Variants in LAMB4 observed in about 807,000 individuals in gnomAD.
LAMB4 encodes the protein laminin subunit beta 4.
A neutral mutation model predicts 199.2 loss-of-function variants in LAMB4; 196 were observed. The ratio of observed to expected loss-of-function variants is 0.98; its 90% CI spans 0.88 to 1.11. The LOEUF (loss-of-function observed/expected upper bound fraction) is 1.11, where lower values mean the gene tolerates loss of function less well. LAMB4 is among the 50% of genes least tolerant of loss of function. The pLI, the probability that LAMB4 is intolerant of heterozygous loss-of-function variation, is 0.00. For synonymous variants in LAMB4, 744 were observed against 770.6 expected (o/e 0.97, Z 0.57); for missense variants, 2,080 against 2,171.2 (o/e 0.96, Z 0.83).
At chr7:108,016,700 G>C in the LAMB4 span, among the ~76,000 whole-genome samples, 2 of 152,176 alleles carry the variant, frequency 1.3e-5, no homozygotes, top group African/African-American at 4.8e-5. Flanking sequence ...AGCTGTGTTA[G>C]TAGTTTTCTG....
At chr7:108,104,098 A>G (rs410866) in intron 9 of LAMB4, among the ~76,000 whole-genome samples, 45,651 of 151,988 alleles carry the variant, frequency 0.3, 8,198 homozygotes, top group Non-Finnish European at 0.4. Context: ...TTCTCCTATT[A>G]TCCTACAGAT....
rs401455 is a variant in LAMB4, at chr7:108,070,982, C to T, written c.2125-1097G>A. On this transcript the variant is annotated intron_variant, in intron 17 of 33. Transcript: ENST00000388781. ...AGGCTCTCGAGTCTTACCACCCATC[C>T]GGAACATTTAGTGCTCAAGAAGGAA... Among the ~76,000 whole-genome samples, 678 of 152,240 alleles carry T rather than the reference C, an allele frequency of 4.5e-3. 7 individuals carry two copies. Among genetic ancestry groups the T allele is most frequent in the African/African-American group, 0.016 (652 of 41,540 alleles).
Position 108,049,502 on chromosome 7 carries a change from G to T in LAMB4, c.3946C>A (p.His1316Asn). 6.2e-7 allele frequency: 1 copy of T among 1,605,394 alleles called. No individual in the cohort carries two copies. Among genetic ancestry groups the T allele is most frequent in the South Asian group, 1.1e-5 (1 of 90,646 alleles). ...TTCTTTTCAGCAGATGATGATATGT[G>T]ATAATATTTCTTGATGTTTTCTGAG... ...DSSENIKKYY[H>N]ISSSAEKKIN... Residue 1316 changes from histidine to asparagine, a missense_variant, in exon 27 of 34, where the codon CAC becomes AAC. His to Asn is a moderately conservative substitution (Grantham distance 68). Coordinates refer to ENST00000388781, the MANE Select transcript of LAMB4 (RefSeq NM_007356.3).
At chr7:108,089,827 T>G (rs2037329630) in intron 14 of LAMB4, among the ~76,000 whole-genome samples, 1 of 152,150 alleles carries the variant, frequency 6.6e-6, no homozygotes, top group Non-Finnish European at 1.5e-5. Context: ...CATACCCAAC[T>G]ATTTTTTGTC....
intron 8 of LAMB4, 107 bp downstream of exon 8, chr7:108,105,710 G>A: frequency 1.1e-6 from 1 of 942,518 alleles, no homozygotes; most frequent in South Asian, 1.5e-5. Flanking sequence ...CATAAAACTG[G>A]CACTTAGATT....
chr7:108,038,695 G>A (rs1472301298), intron 29 of LAMB4, among the ~76,000 whole-genome samples: 2 of 152,142 alleles, frequency 1.3e-5, no homozygotes, highest in Non-Finnish European at 2.9e-5. Flanking sequence ...ATCAGCCATC[G>A]TTAGTGTTAG....
intron 17 of LAMB4, among the ~76,000 whole-genome samples, chr7:108,070,352 A>T (rs1427979873): frequency 6.6e-6 from 1 of 152,178 alleles, no homozygotes; most frequent in African/African-American, 2.4e-5. Flanking sequence ...GTCTTTCCCT[A>T]GTTGTCCTTT....
At chr7:108,035,698 A>T (rs2035203998) in intron 30 of LAMB4, among the ~76,000 whole-genome samples, 1 of 151,192 alleles carries the variant, frequency 6.6e-6, no homozygotes, top group African/African-American at 2.4e-5. Context: ...TTGTAGCAAA[A>T]TTTTTTATTT....
intron 26 of LAMB4, among the ~76,000 whole-genome samples, chr7:108,051,047 C>A (rs993655139): frequency 6.6e-6 from 1 of 152,186 alleles, no homozygotes; most frequent in Non-Finnish European, 1.5e-5. Flanking sequence ...AGCCCAGTAA[C>A]TGCTGTTGGA....
At position 108,039,150 on chromosome 7, in the gene LAMB4, A is replaced by G. The variant is rs2035331661; in HGVS notation, c.4472-1555T>C. ...GGGTGGTACAAGAAACAGTGCATGG[A>G]TCACTCTTGGCAGGAGAGTAGTGTG... On this transcript the variant is annotated intron_variant, in intron 29 of 33. Transcript: ENST00000388781. Among the ~76,000 whole-genome samples, 3 of 152,154 alleles carry G rather than the reference A, an allele frequency of 2.0e-5. No homozygotes were observed. In the South Asian group the frequency reaches 6.2e-4, roughly 32 times the overall value.
chr7:108,115,934 A>G, intron 3 of LAMB4, 70 bp downstream of exon 3: 1 of 1,503,304 alleles, frequency 6.7e-7, no homozygotes, highest in Admixed American at 1.8e-5. Context: ...GAGTAGCCCC[A>G]GGTGTACCTG....
Position 108,057,831 on chromosome 7 carries a change from C to T in LAMB4, c.3379+1G>A, listed in dbSNP as rs748197179. The T allele has an allele frequency of 6.3e-6, 10 of 1,599,544 alleles. No individual in the cohort carries two copies. Among genetic ancestry groups the T allele is most frequent in the East Asian group, 2.2e-5 (1 of 44,830 alleles). Reference sequence around the variant, plus strand: ...GAGTTTTTAGAAATCCCAATACTTACGAATGCATCGCCCAGGTGGATCACC... The same window carrying T: ...GAGTTTTTAGAAATCCCAATACTTATGAATGCATCGCCCAGGTGGATCACC... On this transcript the variant is annotated splice_donor_variant, in intron 24 of 33. Transcript: ENST00000388781. LOFTEE classifies it high-confidence loss of function.
intron 33 of LAMB4, among the ~76,000 whole-genome samples, chr7:108,025,375 TTTC>T (rs1466554950): frequency 8.0e-6 from 1 of 124,528 alleles, no homozygotes; most frequent in Non-Finnish European, 1.6e-5. Context: ...TCTTTCTTTC[TTTC>T]TTTTCTTTTC....
chr7:108,042,937 C>CTGTGTGTGTGTGTGTGTGTG (rs754739499), intron 29 of LAMB4, among the ~76,000 whole-genome samples: 53 of 140,388 alleles, frequency 3.8e-4, no homozygotes, highest in African/African-American at 1.3e-3. Context: ...CTCTCAATCT[C>CTGTGTGTGTGTGTGTGTGTG]TGTGTGTGTG....
chr7:108,063,818 T>C lies in LAMB4; in HGVS notation c.3004A>G (p.Asn1002Asp), dbSNP rs1367386629. The change falls in exon 22 of 34, where the codon AAC (asparagine) becomes GAC (aspartate). Residue 1002 changes from asparagine (N) to aspartate (D), a missense_variant. By Grantham distance (23) the Asn-to-Asp change is conservative (BLOSUM62 1). Transcript: ENST00000388781. ...LRCLHNTQGA[N>D]CQLCKPGHYG... Reference sequence around the variant, plus strand: ...TGACCTGGTTTGCAGAGCTGGCAGTTTGCGCCCTGAGTGTTGTGCAAACAT... The same window carrying C: ...TGACCTGGTTTGCAGAGCTGGCAGTCTGCGCCCTGAGTGTTGTGCAAACAT... The C allele has an allele frequency of 1.2e-6, 2 of 1,614,092 alleles. No individual in the cohort carries two copies. The highest frequency in any genetic ancestry group is 1.7e-6 in the Non-Finnish European group (2 of 1,180,044).
chr7:108,043,545 G>GTGTTTTTTTTTTTTTTT (rs2035496985), intron 29 of LAMB4, among the ~76,000 whole-genome samples: 1 of 56,002 alleles, frequency 1.8e-5, no homozygotes, highest in Admixed American at 1.9e-4. Context: ...TGGCTATGAT[G>GTGTTTTTTTTTTTTTTT]TTTTTTTTTT....
rs746280601 is a variant in LAMB4 at position 108,047,985 on chromosome 7, T to A, written c.4249A>T (p.Asn1417Tyr). ...GCHGSLTLST[N>Y]ALQKAQEAKS... Reference sequence around the variant, plus strand: ...GCTTCCTGGGCTTTTTGGAGGGCATTCGTTGAGAGGGTCAGGGAGCCGTGA... The same window carrying A: ...GCTTCCTGGGCTTTTTGGAGGGCATACGTTGAGAGGGTCAGGGAGCCGTGA... The change falls in exon 28 of 34, where the codon AAT becomes TAT. Residue 1417 changes from asparagine to tyrosine, a missense_variant. Physicochemically the swap from Asn to Tyr is moderately radical, Grantham distance 143. Coordinates refer to ENST00000388781, the MANE Select transcript of LAMB4 (RefSeq NM_007356.3). 3.1e-6 allele frequency: 5 copies of A among 1,614,170 alleles called. No homozygotes were observed. Among genetic ancestry groups the A allele is most frequent in the Non-Finnish European group, 3.4e-6 (4 of 1,180,036 alleles).
At chr7:108,067,889 G>T in intron 19 of LAMB4, 127 bp downstream of exon 19, 1 of 1,133,278 alleles carries the variant, frequency 8.8e-7, no homozygotes, top group Non-Finnish European at 1.3e-6. Context: ...TATGTACATA[G>T]ATAGTCTGAA....
chr7:108,069,679 T>C, intron 18 of LAMB4, 29 bp downstream of exon 18: 1 of 1,592,644 alleles, frequency 6.3e-7, no homozygotes, highest in Non-Finnish European at 8.6e-7. Flanking sequence ...TGTCAGTGCC[T>C]CAGTAGAGCC....
Sources: gnomAD v4.1 joint callset for allele counts (sites outside exome capture counted in the v4.1 genomes callset) on GRCh38, gnomAD v4.1.1 for gene constraint, MANE v1.5 for transcripts, NCBI Gene and HGNC (gene_info 2026-07-23, HGNC 2026-07-21) for gene names.